The following SERPINA7 variants were observed in gnomAD, a reference collection of about 807,000 sequenced individuals.
SERPINA7 encodes the protein thyroxine-binding globulin.
Under a neutral mutation model 16.0 loss-of-function variants are expected in SERPINA7, and 14 were observed. That is an observed-to-expected ratio of 0.88 (90% CI 0.58 to 1.37). The LOEUF (loss-of-function observed/expected upper bound fraction) is 1.37, where lower values mean the gene tolerates loss of function less well. SERPINA7 is among the 40% of genes most tolerant of loss of function. The pLI, the probability that SERPINA7 is intolerant of heterozygous loss-of-function variation, is 0.00. For missense variants in SERPINA7, 335 were observed against 296.6 expected, an observed-to-expected ratio of 1.13 and a Z score of -0.95; for synonymous variants, 140 against 111.0, an observed-to-expected ratio of 1.26 and a Z score of -1.65.
In SERPINA7 at chrX:106,035,312, A is replaced by C. The variant is rs761677128; in HGVS notation, c.696T>G (p.Thr232=). 9 of 1,210,779 alleles carry C rather than the reference A, an allele frequency of 7.4e-6. No homozygotes were observed. Among genetic ancestry groups the C allele is most frequent in the Non-Finnish European group, 1.0e-5 (9 of 894,404 alleles). The change falls in exon 3 of 5, where the codon ACT becomes ACG. Residue 232 remains threonine, a synonymous_variant. Coordinates refer to ENST00000372563, the MANE Select transcript of SERPINA7 (RefSeq NM_000354.6). ...TCTGGTGCATCATGGGCACTTGAAC[A>C]GTGGTGGTCTTGTCTATTAAGAAGC... is the stretch of plus-strand genomic sequence containing the variant. The part of the protein sequence containing the change: ...SSSFLIDKTT[T]VQVPMMHQME...
chrX:106,036,835 G>T lies in SERPINA7; in HGVS notation c.224C>A (p.Ala75Glu). 9 of 1,211,180 alleles carry T rather than the reference G, an allele frequency of 7.4e-6. No individual in the cohort carries two copies. The highest frequency in any genetic ancestry group is 1.0e-5 in the Non-Finnish European group (9 of 895,261). Residue 75 changes from alanine to glutamate, a missense_variant, in exon 2 of 5, where the codon GCA becomes GAA. Ala to Glu is a moderately radical substitution (Grantham distance 107, BLOSUM62 -1). Transcript: ENST00000372563. Reference sequence around the variant, plus strand: ...CCCAAAGGAAAGCATAACCAAAGCTGCAGAAATGCTCACAGGGGAAAAGAA... The same window carrying T: ...CCCAAAGGAAAGCATAACCAAAGCTTCAGAAATGCTCACAGGGGAAAAGAA... ...NIFFSPVSIS[A>E]ALVMLSFGAC...
chrX:106,033,340 T>C lies in SERPINA7; in HGVS notation c.*160A>G. On this transcript the variant is annotated 3_prime_UTR_variant, in exon 5 of 5. Transcript: ENST00000372563. ...ACATTCTGAATGCTCTGCCATAGGA[T>C]TGGCCTCTTCCACAGCCAACAAAGT... 1.7e-6 allele frequency: 1 copy of C among 579,991 alleles called. No homozygotes were observed. Among genetic ancestry groups the C allele is most frequent in the Non-Finnish European group, 3.0e-6 (1 of 335,939 alleles). The allele number at this position is 579,991 out of a possible 1,213,427, so 47.8% of individuals were successfully genotyped here. A position where few individuals can be genotyped will look rare whatever the true frequency, so the allele number is the denominator to read the frequency against.
chrX:106,033,434 G>C lies in SERPINA7; in HGVS notation c.*66C>G. On this transcript the variant is annotated 3_prime_UTR_variant, in exon 5 of 5. Transcript: ENST00000372563. ...TCCAAGCTCACATCAATCACACCAG[G>C]CTATATTATTTATTTATTTCCCATT... 8.9e-7 allele frequency: 1 copy of C among 1,118,798 alleles called. No individual in the cohort carries two copies. The highest frequency in any genetic ancestry group is 1.2e-6 in the Non-Finnish European group (1 of 811,781). 92.2% of individuals were successfully genotyped at this position (1,118,798 alleles called of 1,213,427 possible). A position where few individuals can be genotyped will look rare whatever the true frequency, so the allele number is the denominator to read the frequency against.
intron 3 of SERPINA7, 23 bp from the exon 4 acceptor site, chrX:106,034,405 C>A (rs1238444866): frequency 8.5e-7 from 1 of 1,177,911 alleles, no homozygotes. Context: ...AGGAAGGGAA[C>A]ACATGGCAAT....
At chrX:106,038,291 C>T (rs1708932579) in intron 1 of SERPINA7, among the ~76,000 whole-genome samples, 1 of 111,572 alleles carries the variant, frequency 9.0e-6, no homozygotes, top group Non-Finnish European at 1.9e-5. Context: ...ATCATAGCCT[C>T]CTTTTATTCT....
Position 106,033,565 on chromosome X carries a change from T to C in SERPINA7, c.1183A>G (p.Ile395Val), listed in dbSNP as rs760191214. The C allele has an allele frequency of 1.3e-4, 153 of 1,209,532 alleles. No homozygotes were observed. Among genetic ancestry groups the C allele is most frequent in the Non-Finnish European group, 1.7e-4 (152 of 894,732 alleles). The part of the protein sequence containing the change: ...IQIDRSFMLL[I>V]LERSTRSILF... ...ATACTCCTTGTGCTTCTCTCCAAAATCAACAACATGAAAGATCTATCAATT... is the reference window on the plus strand; with the variant it reads ...ATACTCCTTGTGCTTCTCTCCAAAACCAACAACATGAAAGATCTATCAATT... The change falls in exon 5 of 5, where the codon ATT (isoleucine) becomes GTT (valine). Residue 395 changes from isoleucine (I) to valine (V), a missense_variant. By Grantham distance (29) the Ile-to-Val change is conservative. Coordinates refer to ENST00000372563, the MANE Select transcript of SERPINA7 (RefSeq NM_000354.6).
In SERPINA7 at chrX:106,033,713, G is replaced by A. The variant is rs753044114; in HGVS notation, c.1045-10C>T. The A allele has an allele frequency of 4.1e-5, 50 of 1,209,159 alleles. No homozygotes were observed. The highest frequency in any genetic ancestry group is 5.6e-5 in the Non-Finnish European group (50 of 894,583). On this transcript the variant is annotated splice_polypyrimidine_tract_variant and intron_variant, in intron 4 of 4. Coordinates refer to ENST00000372563, the MANE Select transcript of SERPINA7 (RefSeq NM_000354.6). ...CAGCCTTATGGGCAGCCTGTGTGGG[G>A]AGAACAAATCCTGCGGGTCTCTGAA... is the stretch of plus-strand genomic sequence containing the variant.
Position 106,036,821 on chromosome X carries a change from G to A in SERPINA7, c.238C>T (p.Leu80Phe), listed in dbSNP as rs2041454826. The A allele has an allele frequency of 1.7e-6, 2 of 1,211,202 alleles. No individual in the cohort carries two copies. Among genetic ancestry groups the A allele is most frequent in the East Asian group, 3.0e-5 (1 of 33,780 alleles). The change falls in exon 2 of 5, where the codon CTT becomes TTT. Residue 80 changes from leucine (L) to phenylalanine (F), a missense_variant. By Grantham distance (22) the Leu-to-Phe change is conservative. Coordinates refer to ENST00000372563, the MANE Select transcript of SERPINA7 (RefSeq NM_000354.6). ...PVSISAALVM[L>F]SFGACCSTQT... ...GTGCTGCAGCAGGCCCCAAAGGAAA[G>A]CATAACCAAAGCTGCAGAAATGCTC...
Position 106,034,283 on chromosome X carries a change from A to G in SERPINA7, c.996T>C (p.Asn332=). ...KMGIQHAYSE[N]ADFSGLTEDN... is the part of the protein sequence containing the mutation. ...CCTCTGTGAGTCCAGAAAAATCAGC[A>G]TTTTCAGAATAGGCATGCTGAATGC... is the stretch of plus-strand genomic sequence containing the variant. Residue 332 remains asparagine, a synonymous_variant, in exon 4 of 5, where the codon AAT becomes AAC. Transcript: ENST00000372563. 8.3e-7 allele frequency: 1 copy of G among 1,208,216 alleles called. No individual in the cohort carries two copies. Among genetic ancestry groups the G allele is most frequent in the Non-Finnish European group, 1.1e-6 (1 of 893,454 alleles).
In SERPINA7 at chrX:106,033,288, C is replaced by T. The variant is rs1279114526; in HGVS notation, c.*212G>A. ...TATACAAACATAGAGCCTTCCTATG[C>T]TTTGGATAATAATGAATTACTCATT... On this transcript the variant is annotated 3_prime_UTR_variant, in exon 5 of 5. Coordinates refer to ENST00000372563, the MANE Select transcript of SERPINA7 (RefSeq NM_000354.6). The T allele has an allele frequency of 2.5e-5, 11 of 446,445 alleles. No homozygotes were observed. Among genetic ancestry groups the T allele is most frequent in the Non-Finnish European group, 7.9e-6 (2 of 254,613 alleles). 36.8% of individuals were successfully genotyped at this position (446,445 alleles called of 1,213,427 possible). A position where few individuals can be genotyped will look rare whatever the true frequency, so the allele number is the denominator to read the frequency against.
intron 4 of SERPINA7, 110 bp from the exon 5 acceptor site, chrX:106,033,813 C>T: frequency 8.6e-7 from 1 of 1,166,700 alleles, no homozygotes; most frequent in Non-Finnish European, 1.2e-6. Flanking sequence ...CTTTGCTATA[C>T]TATGTTGATG....
In SERPINA7 at chrX:106,035,201, A is replaced by T; in HGVS notation, c.807T>A (p.Phe269Leu). ...MDYSKNALAL[F>L]VLPKEGQMES... The stretch of plus-strand genomic sequence containing the variant: ...CCATCTGTCCCTCCTTGGGAAGAAC[A>T]AAGAGTGCCAGAGCATTCTTGCTGT... Residue 269 changes from phenylalanine (F) to leucine (L), a missense_variant, in exon 3 of 5, where the codon TTT becomes TTA. Phe to Leu is a conservative substitution (Grantham distance 22, BLOSUM62 0). Coordinates refer to ENST00000372563, the MANE Select transcript of SERPINA7 (RefSeq NM_000354.6). 1 of 1,211,362 alleles carries T rather than the reference A, an allele frequency of 8.3e-7. No individual in the cohort carries two copies. Among genetic ancestry groups the T allele is most frequent in the Non-Finnish European group, 1.1e-6 (1 of 895,114 alleles).
intron 1 of SERPINA7, among the ~76,000 whole-genome samples, chrX:106,037,784 G>A (rs2041463261): frequency 9.0e-6 from 1 of 111,728 alleles, no homozygotes; most frequent in African/African-American, 3.2e-5. Flanking sequence ...TTTCTAAGTT[G>A]TAAGACATCT....
At chrX:106,038,581 C>T (rs536282221) in intron 1 of SERPINA7, 117 bp downstream of exon 1, 1 of 111,192 alleles carries the variant, frequency 9.0e-6, no homozygotes, top group Admixed American at 9.6e-5. Context: ...ACACTTAGAC[C>T]TTCACCCCTA....
In SERPINA7 at chrX:106,033,469, A is replaced by T. The variant is rs1177302084; in HGVS notation, c.*31T>A. ...TTATTTATTTCCCATTGCAATACACACGTGCAATTAGCCAATGGCCTTTTT... is the reference window on the plus strand; with the variant it reads ...TTATTTATTTCCCATTGCAATACACTCGTGCAATTAGCCAATGGCCTTTTT... On this transcript the variant is annotated 3_prime_UTR_variant, in exon 5 of 5. Coordinates refer to ENST00000372563, the MANE Select transcript of SERPINA7 (RefSeq NM_000354.6). 8.3e-7 allele frequency: 1 copy of T among 1,200,949 alleles called. No individual in the cohort carries two copies. Among genetic ancestry groups the T allele is most frequent in the Non-Finnish European group, 1.1e-6 (1 of 885,806 alleles).
At position 106,036,326 on chromosome X, in the gene SERPINA7, G is replaced by A. The variant is rs928236152; in HGVS notation, c.622+111C>T. The A allele has an allele frequency of 1.8e-5, 14 of 792,561 alleles. No individual in the cohort carries two copies. The African/African-American group carries it at 2.5e-4, about 14-fold the overall frequency. 65.3% of individuals were successfully genotyped at this position (792,561 alleles called of 1,213,427 possible). On this transcript the variant is annotated intron_variant, in intron 2 of 4. Coordinates refer to ENST00000372563, the MANE Select transcript of SERPINA7 (RefSeq NM_000354.6). ...GCTATGTCCAGTGGAGCAGATCACTGTGGTATGAGGGACACCTACTGATGC... is the reference window on the plus strand; with the variant it reads ...GCTATGTCCAGTGGAGCAGATCACTATGGTATGAGGGACACCTACTGATGC...
At chrX:106,033,734 C>G in intron 4 of SERPINA7, 31 bp from the exon 5 acceptor site, 1 of 1,210,926 alleles carries the variant, frequency 8.3e-7, no homozygotes, top group South Asian at 1.8e-5. Flanking sequence ...CTGCGGGTCT[C>G]TGAAGAAACA....
rs2041421501 is a variant in SERPINA7, at chrX:106,033,278, C to A, written c.*222G>T. 3 of 427,919 alleles carry A rather than the reference C, an allele frequency of 7.0e-6. No homozygotes were observed. The highest frequency in any genetic ancestry group is 1.2e-5 in the Non-Finnish European group (3 of 244,985). The allele number at this position is 427,919 out of a possible 1,213,427, so 35.3% of individuals were successfully genotyped here. A position where few individuals can be genotyped will look rare whatever the true frequency, so the allele number is the denominator to read the frequency against. On this transcript the variant is annotated 3_prime_UTR_variant, in exon 5 of 5. Coordinates refer to ENST00000372563, the MANE Select transcript of SERPINA7 (RefSeq NM_000354.6). ...CAAAGAGAAATATACAAACATAGAG[C>A]CTTCCTATGCTTTGGATAATAATGA... is the stretch of plus-strand genomic sequence containing the variant.
rs1391931532 is a variant in SERPINA7 at position 106,036,422 on chromosome X, A to G, written c.622+15T>C. 1 of 1,210,138 alleles carries G rather than the reference A, an allele frequency of 8.3e-7. No homozygotes were observed. Among genetic ancestry groups the G allele is most frequent in the African/African-American group, 1.7e-5 (1 of 57,698 alleles). The stretch of plus-strand genomic sequence containing the variant: ...TCTGAGCCCTAGACTGAAAATTGAC[A>G]TCTGAAAGTCTTACCTTTAAAGTGA... On this transcript the variant is annotated intron_variant, in intron 2 of 4. Coordinates refer to ENST00000372563, the MANE Select transcript of SERPINA7 (RefSeq NM_000354.6).
Sources: allele counts gnomAD v4.1 joint callset (sites outside exome capture counted in the v4.1 genomes callset), GRCh38; gene constraint gnomAD v4.1.1; transcripts MANE v1.5; gene names NCBI Gene and HGNC (gene_info 2026-07-23, HGNC 2026-07-21).